The following DST variants were observed in gnomAD, a reference collection of about 807,000 sequenced individuals.
The protein encoded by DST is dystonin, also known as bullous pemphigoid antigen.
DST carries 253 observed loss-of-function variants against 875.2 expected under a neutral mutation model. That is an observed-to-expected ratio of 0.29 (90% CI 0.26 to 0.32). DST has a LOEUF of 0.32. DST is among the 10% of genes least tolerant of loss of function. The pLI is 1.00. For synonymous variants in DST, 3,124 were observed against 3,197.1 expected (o/e 0.98, Z 0.77); for missense variants, 8,287 against 9,111.6 (o/e 0.91, Z 3.68).
intron 76 of DST, 26 bp downstream of exon 76, chr6:56,506,641 C>G: frequency 6.2e-7 from 1 of 1,612,542 alleles, no homozygotes. Flanking sequence ...TTTTAAAAGC[C>G]ATTCTGATAA....
rs1171302196 is a variant in DST, at chr6:56,506,770, T to C, written c.19259A>G (p.Asp6420Gly). ...TATATCCAGCTCCTCCTGTAGTCCA[T>C]CTATTTCTTCCCTTATGGTCTAGAA... ...EAAETIREEI[D>G]GLQEELDIVI... Residue 6420 changes from aspartate (D) to glycine (G), a missense_variant, in exon 76 of 104, where the codon GAT (aspartate) becomes GGT (glycine). By Grantham distance (94) the Asp-to-Gly change is moderately conservative. Around this residue, in one of 10 missense-constraint regions of DST, gnomAD observed 1,292 missense variants for 1,552.7 expected, o/e 0.83. Transcript: ENST00000680361. The C allele has an allele frequency of 5.6e-6, 9 of 1,612,352 alleles. No homozygotes were observed. Among genetic ancestry groups the C allele is most frequent in the Admixed American group, 1.7e-5 (1 of 59,782 alleles).
At chr6:56,918,296 T>C (rs1802350917) in intron 2 of DST, among the ~76,000 whole-genome samples, 1 of 151,992 alleles carries the variant, frequency 6.6e-6, no homozygotes, top group Admixed American at 6.6e-5. Context: ...CCAGCTAATT[T>C]TTGTATTTTT....
intron 2 of DST, among the ~76,000 whole-genome samples, chr6:56,903,753 C>A (rs1051202009): frequency 4.6e-5 from 7 of 152,170 alleles, no homozygotes; most frequent in Non-Finnish European, 1.0e-4. Flanking sequence ...CCATCGCATG[C>A]GGCCAAAAAT....
At chr6:56,722,718 A>G (rs909752856) in intron 5 of DST, among the ~76,000 whole-genome samples, 1 of 152,218 alleles carries the variant, frequency 6.6e-6, no homozygotes, top group Non-Finnish European at 1.5e-5. Flanking sequence ...AAAACTTTAA[A>G]GTAGTTAAGA....
chr6:56,476,582 C>T (rs1272112769), intron 91 of DST, among the ~76,000 whole-genome samples: 9 of 152,166 alleles, frequency 5.9e-5, no homozygotes, highest in Non-Finnish European at 1.5e-5. Context: ...CTTCCTTTTG[C>T]TTTCTAATTT....
In DST at chr6:56,704,325, TC is replaced by T; in HGVS notation, c.731del (p.Gly244AspfsTer4). On this transcript the variant is annotated frameshift_variant, in exon 6 of 104. Transcript: ENST00000680361. LOFTEE classifies it high-confidence loss of function. ...CCTCTAAAAGAGAAATCAAATTGTGTCCATCCCTTAAGTCTTCATAGAGATC... is the reference window on the plus strand; with the variant it reads ...CCTCTAAAAGAGAAATCAAATTGTGTCATCCCTTAAGTCTTCATAGAGATC... ...VNDLYEDLRD[G>X]HNLISLLEVL... 1 of 1,576,830 alleles carries T rather than the reference TC, an allele frequency of 6.3e-7. No homozygotes were observed. The highest frequency in any genetic ancestry group is 1.8e-5 in the Admixed American group (1 of 54,396).
chr6:56,611,429 T>C, intron 38 of DST, 79 bp downstream of exon 38: 1 of 944,236 alleles, frequency 1.1e-6, no homozygotes. Flanking sequence ...GCAATTAAAA[T>C]TTACCACCTC....
intron 3 of DST, among the ~76,000 whole-genome samples, chr6:56,868,921 G>T (rs1483072192): frequency 2.0e-5 from 3 of 152,212 alleles, no homozygotes; most frequent in African/African-American, 7.2e-5. Context: ...TGTGGGAAAT[G>T]AAGGTCCTTT....
chr6:56,633,312 C>T (rs1347580399), intron 27 of DST, among the ~76,000 whole-genome samples: 3 of 147,750 alleles, frequency 2.0e-5, no homozygotes, highest in Non-Finnish European at 3.0e-5. Context: ...CTGCAAGCTC[C>T]GCCTCCCGGG....
rs750015283 is a variant in DST at position 56,640,552 on chromosome 6, A to G, written c.2081T>C (p.Val694Ala). 1.9e-6 allele frequency: 3 copies of G among 1,614,210 alleles called. No homozygotes were observed. In the South Asian group the frequency reaches 3.3e-5, roughly 18 times the overall value. Residue 694 changes from valine (V) to alanine (A), a missense_variant, in exon 18 of 104, where the codon GTG becomes GCG. Val to Ala is a moderately conservative substitution (Grantham distance 64, BLOSUM62 0). This residue lies in a region of DST where 1,160 missense variants were observed against 1,424.3 expected (regional missense o/e 0.81). Coordinates refer to ENST00000680361, the MANE Select transcript of DST (RefSeq NM_001374736.1). ...TGTCAGTATGCGTCCTTTGCTGTAC[A>G]CAGAAGAACATTCGTTCCTTAAGGC... ...IMALRNECSS[V>A]YSKGRILTTE... is the part of the protein sequence containing the mutation.
intron 53 of DST, 133 bp from the exon 54 acceptor site, chr6:56,570,145 A>T: frequency 3.2e-6 from 2 of 630,260 alleles, no homozygotes; most frequent in South Asian, 5.3e-5. Flanking sequence ...GAAAGGTTTC[A>T]TAGGTGACAA....
At chr6:56,562,784 C>T (rs1393080599) in intron 55 of DST, among the ~76,000 whole-genome samples, 6 of 151,622 alleles carry the variant, frequency 4.0e-5, no homozygotes, top group East Asian at 1.9e-4. Context: ...TTCCCATCCC[C>T]GTATCCATGT....
intron 55 of DST, among the ~76,000 whole-genome samples, chr6:56,566,510 G>A (rs6903341): frequency 0.011 from 1,631 of 152,230 alleles, 28 homozygotes; most frequent in African/African-American, 0.037. Flanking sequence ...GCTTCTGCTC[G>A]CCCTCCGTGG....
intron 4 of DST, among the ~76,000 whole-genome samples, chr6:56,802,221 A>G (rs937201691): frequency 3.9e-5 from 6 of 152,148 alleles, no homozygotes; most frequent in African/African-American, 1.4e-4. Flanking sequence ...TGAGTACCCT[A>G]TTAAAATTTT....
intron 4 of DST, among the ~76,000 whole-genome samples, chr6:56,783,100 A>C (rs1230498952): frequency 6.6e-6 from 1 of 151,858 alleles, no homozygotes; most frequent in Non-Finnish European, 1.5e-5. Context: ...AGTTTGTTAT[A>C]ATTTCTGTTC....
chr6:56,772,305 AAT>A (rs2099668210), intron 4 of DST, among the ~76,000 whole-genome samples: 1 of 152,214 alleles, frequency 6.6e-6, no homozygotes, highest in African/African-American at 2.4e-5. Flanking sequence ...AAGAACTAAA[AAT>A]ACATGTTACT....
In DST at chr6:56,501,548, C is replaced by T. The variant is rs753741688; in HGVS notation, c.19712G>A (p.Ser6571Asn). The change falls in exon 79 of 104, where the codon AGC becomes AAC. Residue 6571 changes from serine (S) to asparagine (N), a missense_variant. Ser to Asn is a conservative substitution (Grantham distance 46). This residue lies in a region of DST where 1,292 missense variants were observed against 1,552.7 expected (regional missense o/e 0.83). Transcript: ENST00000680361. ...PLMELKLIWD[S>N]LEERIINRQH... ...TCTGTTGATGATTCTCTCCTCCAGG[C>T]TATCCCATATCAATTTCAGTTCCAT... 9.4e-6 allele frequency: 15 copies of T among 1,598,844 alleles called. No individual in the cohort carries two copies. The highest frequency in any genetic ancestry group is 1.3e-5 in the Non-Finnish European group (15 of 1,171,944).
intron 4 of DST, among the ~76,000 whole-genome samples, chr6:56,785,474 T>C (rs1052118721): frequency 6.6e-6 from 1 of 152,170 alleles, no homozygotes; most frequent in Non-Finnish European, 1.5e-5. Context: ...ACTGCTGTGC[T>C]AGCAATCAGT....
rs2098717265 is a variant in DST at position 56,624,604 on chromosome 6, T to G, written c.4855A>C (p.Thr1619Pro). 1 of 1,612,884 alleles carries G rather than the reference T, an allele frequency of 6.2e-7. No homozygotes were observed. Among genetic ancestry groups the G allele is most frequent in the Non-Finnish European group, 8.5e-7 (1 of 1,179,318 alleles). ...TGTGTCATGAGAGTGACCAGGGCAG[T>G]ATATCGAGTCCTTAGGTCCATGAAC... is the stretch of plus-strand genomic sequence containing the variant. ...QEFMDLRTRY[T>P]ALVTLMTQYI... The change falls in exon 36 of 104, where the codon ACT becomes CCT. Residue 1619 changes from threonine to proline, a missense_variant. Thr to Pro is a conservative substitution (Grantham distance 38). Around this residue, in one of 10 missense-constraint regions of DST, gnomAD observed 3,138 missense variants for 3,116.6 expected, o/e 1.01. Coordinates refer to ENST00000680361, the MANE Select transcript of DST (RefSeq NM_001374736.1).
Sources: gnomAD v4.1 joint callset for allele counts (sites outside exome capture counted in the v4.1 genomes callset) on GRCh38, gnomAD v4.1.1 for gene constraint, gnomAD v4.1.1 regional missense constraint, MANE v1.5 for transcripts, NCBI Gene and HGNC (gene_info 2026-07-23, HGNC 2026-07-21) for gene names.